Variants in HNRNPH1 observed in about 807,000 individuals in gnomAD.
The protein encoded by HNRNPH1 is heterogeneous nuclear ribonucleoprotein H.
A neutral mutation model predicts 58.6 loss-of-function variants in HNRNPH1; 4 were observed. That is an observed-to-expected ratio of 0.07 (90% CI 0.03 to 0.16). HNRNPH1 has a LOEUF of 0.16. Ranked by LOEUF, HNRNPH1 falls within the 10% of genes least tolerant of loss-of-function variation. HNRNPH1 has a pLI of 1.00. For missense variants in HNRNPH1, 271 were observed against 564.2 expected (o/e 0.48, Z 5.26); for synonymous variants, 192 against 189.2 (o/e 1.01, Z -0.12).
At chr5:179,616,297 G>T in intron 10 of HNRNPH1, 79 bp from the exon 12 acceptor site, 3 of 1,123,522 alleles carry the variant, frequency 2.7e-6, no homozygotes, top group South Asian at 1.2e-5. Flanking sequence ...TAATTCTATA[G>T]CTATCATTTT....
exon 1 of HNRNPH1, chr5:179,624,558 G>T (rs775031302): frequency 1.0e-5 from 4 of 398,648 alleles, no homozygotes; most frequent in Admixed American, 4.4e-5. Context: ...AGCAGAATTG[G>T]TAAGAGTGCG....
At chr5:179,614,779 T>A in exon 13 of HNRNPH1, 3 of 845,352 alleles carry the variant, frequency 3.5e-6, no homozygotes, top group Non-Finnish European at 5.3e-6. Flanking sequence ...TGAAGTTTTC[T>A]TAAAGAAAAA....
chr5:179,623,122 G>A lies in HNRNPH1; in HGVS notation c.12C>T (p.Gly4=), dbSNP rs767602266. 1.9e-6 allele frequency: 3 copies of A among 1,606,296 alleles called. No individual in the cohort carries two copies. The highest frequency in any genetic ancestry group is 2.7e-5 in the African/African-American group (2 of 74,640). ...CCACGAATCCCTCTCCACCTTCCGT[G>A]CCCAACATCATCGTCTCTTACGCGG... The change falls in exon 1 of 13, where the codon GGC becomes GGT. Residue 4 remains glycine, a synonymous_variant. Coordinates refer to ENST00000356731, the Ensembl canonical transcript of HNRNPH1.
chr5:179,616,664 C>T, intron 10 of HNRNPH1: 1 of 592,284 alleles, frequency 1.7e-6, no homozygotes, highest in South Asian at 2.2e-5. Flanking sequence ...CCCAAGACTA[C>T]TTAAACCTAA....
exon 1 of HNRNPH1, chr5:179,623,361 G>C: frequency 2.8e-6 from 1 of 363,416 alleles, no homozygotes; most frequent in East Asian, 5.5e-5. Flanking sequence ...GCCCCGAACC[G>C]TGGGGGCCCG....
At chr5:179,628,732 G>C (rs747188851), upstream of HNRNPH1, among the ~76,000 whole-genome samples, 3 of 152,186 alleles carry the variant, frequency 2.0e-5, no homozygotes, top group Non-Finnish European at 2.9e-5. Flanking sequence ...TTGAAGTCAA[G>C]AGTTCCAGAC....
At chr5:179,628,769 G>A (rs184933387), upstream of HNRNPH1, among the ~76,000 whole-genome samples, 191 of 152,168 alleles carry the variant, frequency 1.3e-3, no homozygotes, top group African/African-American at 4.4e-3. Flanking sequence ...GTGAAACCCC[G>A]TCTCTACTAC....
chr5:179,623,526 G>C (rs1388646217), exon 1 of HNRNPH1: 1 of 174,464 alleles, frequency 5.7e-6, no homozygotes, highest in Non-Finnish European at 1.2e-5. Context: ...GCAGCCTGCA[G>C]CTCGCCAAGG....
intron 2 of HNRNPH1, among the ~76,000 whole-genome samples, chr5:179,630,356 A>T (rs970805990): frequency 6.6e-6 from 1 of 151,034 alleles, no homozygotes; most frequent in Admixed American, 6.6e-5. Flanking sequence ...TCTCAAAAAA[A>T]TAAATAAATA....
intron 3 of HNRNPH1, chr5:179,619,744 T>G (rs1302092086): frequency 6.0e-6 from 1 of 166,082 alleles, no homozygotes; most frequent in Non-Finnish European, 1.3e-5. Context: ...AAATAACAGT[T>G]TTACTAAATT....
intron 4 of HNRNPH1, chr5:179,618,560 A>C: frequency 2.6e-6 from 1 of 390,102 alleles, no homozygotes; most frequent in Non-Finnish European, 4.6e-6. Context: ...GGCAGAGCCC[A>C]ACCTTAGGGG....
chr5:179,617,240 C>T (rs1770221506), intron 8 of HNRNPH1, 130 bp from the exon 10 acceptor site: 1 of 906,364 alleles, frequency 1.1e-6, no homozygotes, highest in Non-Finnish European at 1.7e-6. Context: ...CTAGCTACTT[C>T]TCTTAGGTGA....
In HNRNPH1 at chr5:179,632,792, T is replaced by A. The variant is rs1443026738; in HGVS notation, c.-32+1273A>T. On this transcript the variant is annotated intron_variant, in intron 2 of 4. Coordinates refer to the HNRNPH1 transcript ENST00000521116. ...TTTTTTTTGAGACGGAGTCTCGCTC[T>A]TGTTGCCCAGGCTCAGCTTCCCGAG... 2.8e-5 allele frequency among the ~76,000 whole-genome samples: 4 copies of A among 141,798 alleles called. No homozygotes were observed. The East Asian group carries it at 6.3e-4, about 22-fold the overall frequency. The allele number at this position is 141,798 out of a possible 152,430, so 93.0% of individuals were successfully genotyped here.
exon 1 of HNRNPH1, chr5:179,623,139 C>A: frequency 6.3e-7 from 1 of 1,599,878 alleles, no homozygotes; most frequent in South Asian, 1.1e-5. Context: ...ATCATCGTCT[C>A]TTACGCGGTC....
At chr5:179,629,005 A>AGTG (rs1774594501), upstream of HNRNPH1, 4 of 151,544 alleles carry the variant, frequency 2.6e-5, no homozygotes, top group Admixed American at 2.6e-4. Flanking sequence ...AAATGCAATC[A>AGTG]TAAATAACCC....
chr5:179,625,851 C>T (rs1254633254), upstream of HNRNPH1, among the ~76,000 whole-genome samples: 1 of 152,098 alleles, frequency 6.6e-6, no homozygotes, highest in Non-Finnish European at 1.5e-5. Context: ...TCACCACAGC[C>T]TCTACCTTCT....
upstream of HNRNPH1, among the ~76,000 whole-genome samples, chr5:179,625,641 A>G (rs918679663): frequency 2.0e-4 from 30 of 149,640 alleles, no homozygotes; most frequent in Non-Finnish European, 3.3e-4. Context: ...CCTGGGCAAT[A>G]AGAGCAAAAC....
At chr5:179,617,744 A>C in intron 7 of HNRNPH1, 55 bp downstream of exon 8, 1 of 1,609,016 alleles carries the variant, frequency 6.2e-7, no homozygotes, top group African/African-American at 1.3e-5. Flanking sequence ...TTATAGAATA[A>C]GGCTGACTTA....
At chr5:179,632,065 G>A (rs1460144566) in intron 2 of HNRNPH1, among the ~76,000 whole-genome samples, 3 of 150,798 alleles carry the variant, frequency 2.0e-5, no homozygotes, top group African/African-American at 7.2e-5. Context: ...CCAGCACTTT[G>A]GGAGGCCGAG....
Sources: allele counts gnomAD v4.1 joint callset (sites outside exome capture counted in the v4.1 genomes callset), GRCh38; gene constraint gnomAD v4.1.1; transcripts MANE v1.5; gene names NCBI Gene and HGNC (gene_info 2026-07-23, HGNC 2026-07-21).